The following KCNG2 variants were observed in gnomAD, a reference collection of about 807,000 sequenced individuals.
KCNG2 encodes the protein potassium voltage-gated channel modifier subfamily G member 2.
In KCNG2, 7 loss-of-function variants were observed where a neutral mutation model predicts 12.3. That is an observed-to-expected ratio of 0.57 (90% CI 0.32 to 1.07). KCNG2 has a LOEUF of 1.07. KCNG2 is among the 50% of genes least tolerant of loss of function. The pLI is 0.04. For synonymous variants in KCNG2, 414 were observed against 351.4 expected (o/e 1.18, Z -1.99); for missense variants, 703 against 726.0 (o/e 0.97, Z 0.36).
At chr18:79,897,665 A>G (rs918562179) in intron 3 of KCNG2, among the ~76,000 whole-genome samples, 1 of 152,048 alleles carries the variant, frequency 6.6e-6, no homozygotes, top group African/African-American at 2.4e-5. Context: ...ATTCTTTGTT[A>G]GAAACTGGAC....
At chr18:79,887,332 C>T (rs974509227) in intron 3 of KCNG2, among the ~76,000 whole-genome samples, 3 of 152,048 alleles carry the variant, frequency 2.0e-5, no homozygotes, top group Non-Finnish European at 4.4e-5. Flanking sequence ...CCGCCCTGGG[C>T]CAGAGGCCAC....
At chr18:79,852,319 A>G (rs970501123) in intron 1 of KCNG2, among the ~76,000 whole-genome samples, 3 of 152,256 alleles carry the variant, frequency 2.0e-5, no homozygotes, top group African/African-American at 7.2e-5. Context: ...CAGCAGCGCA[A>G]ACGATGCCTG....
At chr18:79,844,368 C>T (rs1978554661) in intron 1 of KCNG2, among the ~76,000 whole-genome samples, 1 of 152,038 alleles carries the variant, frequency 6.6e-6, no homozygotes, top group Non-Finnish European at 1.5e-5. Flanking sequence ...AACTCACAAG[C>T]AGAGAGAATG....
intron 1 of KCNG2, among the ~76,000 whole-genome samples, chr18:79,829,362 C>T (rs926130838): frequency 8.5e-5 from 13 of 152,088 alleles, no homozygotes; most frequent in African/African-American, 2.4e-4. Context: ...TGTATCTGCA[C>T]GTGTCACTCC....
intron 1 of KCNG2, among the ~76,000 whole-genome samples, chr18:79,835,627 T>G (rs1978319695): frequency 6.6e-6 from 1 of 152,150 alleles, no homozygotes; most frequent in Non-Finnish European, 1.5e-5. Flanking sequence ...GGAAACATGA[T>G]GAGGAAAATG....
At position 79,864,562 on chromosome 18, in the gene KCNG2, C is replaced by T. The variant is rs891679045; in HGVS notation, c.624+271C>T. 2.6e-4 allele frequency among the ~76,000 whole-genome samples: 39 copies of T among 152,350 alleles called. 1 individual carries two copies. Among genetic ancestry groups the T allele is most frequent in the African/African-American group, 9.6e-5 (4 of 41,584 alleles). The stretch of plus-strand genomic sequence containing the variant: ...TACATTCGGTTTCCGACGCAGCATC[C>T]GGTCCACAGGCCGCCGGAAACTGCT... On this transcript the variant is annotated intron_variant, in intron 3 of 3. Transcript: ENST00000316249.
At chr18:79,812,987 C>G in intron 1 of KCNG2, among the ~76,000 whole-genome samples, 1 of 152,130 alleles carries the variant, frequency 6.6e-6, no homozygotes, top group East Asian at 1.9e-4. Flanking sequence ...GAAACCTCAT[C>G]TCTCCTAAAA....
At chr18:79,882,896 C>T (rs1041891450) in intron 3 of KCNG2, among the ~76,000 whole-genome samples, 1 of 146,866 alleles carries the variant, frequency 6.8e-6, no homozygotes, top group African/African-American at 2.7e-5. Flanking sequence ...AGGCCGGGTA[C>T]ATCTGCGCGT....
chr18:79,809,881 T>G (rs2087481331), intron 1 of KCNG2, among the ~76,000 whole-genome samples: 1 of 152,232 alleles, frequency 6.6e-6, no homozygotes, highest in Non-Finnish European at 1.5e-5. Flanking sequence ...TTGCCGGTTT[T>G]AAAGCTTCTC....
chr18:79,830,145 C>T (rs963027092), intron 1 of KCNG2, among the ~76,000 whole-genome samples: 6 of 152,164 alleles, frequency 3.9e-5, no homozygotes, highest in African/African-American at 1.4e-4. Flanking sequence ...TCCACGGAGC[C>T]CAGTGGAACC....
intron 3 of KCNG2, among the ~76,000 whole-genome samples, chr18:79,873,370 C>T (rs540431430): frequency 2.6e-5 from 4 of 151,230 alleles, no homozygotes; most frequent in East Asian, 1.9e-4. Context: ...CCCACACTCC[C>T]GTTCCCTCTG....
intron 3 of KCNG2, among the ~76,000 whole-genome samples, chr18:79,879,585 G>A (rs4799099): frequency 0.47 from 71,706 of 152,076 alleles, 17,949 homozygotes; most frequent in East Asian, 0.79. Flanking sequence ...TAGGAAAGAA[G>A]ATACCACTCA....
Position 79,818,073 on chromosome 18 carries a change from G to T in KCNG2, c.-115+20059G>T, listed in dbSNP as rs112224392. Among the ~76,000 whole-genome samples the T allele has an allele frequency of 4.7e-3, 722 of 152,340 alleles. 4 individuals carry two copies. The highest frequency in any genetic ancestry group is 0.016 in the African/African-American group (678 of 41,580). On this transcript the variant is annotated intron_variant, in intron 1 of 3. Transcript: ENST00000316249. Reference sequence around the variant, plus strand: ...CCAGGACAGACGGCCAAGGCCCTAGGCAGAACACAGACCCTGAGGCAGCAC... The same window carrying T: ...CCAGGACAGACGGCCAAGGCCCTAGTCAGAACACAGACCCTGAGGCAGCAC...
At chr18:79,801,887 C>T (rs961801001) in intron 1 of KCNG2, among the ~76,000 whole-genome samples, 5 of 152,200 alleles carry the variant, frequency 3.3e-5, no homozygotes, top group Non-Finnish European at 5.9e-5. Flanking sequence ...ATTCATTGCC[C>T]GCGTTTCTCA....
intron 1 of KCNG2, among the ~76,000 whole-genome samples, chr18:79,825,611 G>A (rs1244078580): frequency 6.6e-6 from 1 of 152,200 alleles, no homozygotes; most frequent in African/African-American, 2.4e-5. Context: ...ACATCAACTT[G>A]ACTGACGGGG....
chr18:79,872,280 G>GTTTTTTGTTTTTTT (rs1979867524), intron 3 of KCNG2, among the ~76,000 whole-genome samples: 1 of 73,410 alleles, frequency 1.4e-5, no homozygotes, highest in Admixed American at 2.4e-4. Flanking sequence ...CAAAGCTTCA[G>GTTTTTTGTTTTTTT]TTTTTTTTTT....
At chr18:79,861,165 T>C (rs1043715004) in intron 2 of KCNG2, among the ~76,000 whole-genome samples, 1 of 152,208 alleles carries the variant, frequency 6.6e-6, no homozygotes, top group African/African-American at 2.4e-5. Flanking sequence ...TAAATCTCTA[T>C]GGTAAACGAT....
intron 1 of KCNG2, among the ~76,000 whole-genome samples, chr18:79,833,941 C>T (rs1978309619): frequency 6.6e-6 from 1 of 152,206 alleles, no homozygotes; most frequent in Non-Finnish European, 1.5e-5. Flanking sequence ...CACATCTGGC[C>T]ACAGATGCTC....
intron 2 of KCNG2, among the ~76,000 whole-genome samples, chr18:79,858,744 T>C (rs985089944): frequency 1.3e-5 from 2 of 152,138 alleles, no homozygotes; most frequent in African/African-American, 2.4e-5. Context: ...GTTTTTTTTT[T>C]CCATTTGTTT....
Sources: allele counts gnomAD v4.1 joint callset (sites outside exome capture counted in the v4.1 genomes callset), GRCh38; gene constraint gnomAD v4.1.1; transcripts MANE v1.5; gene names NCBI Gene and HGNC (gene_info 2026-07-23, HGNC 2026-07-21).